Variants in CSMD1 observed in about 807,000 individuals in gnomAD.
The protein encoded by CSMD1 is CUB and Sushi multiple domains 1.
A neutral mutation model predicts 417.5 loss-of-function variants in CSMD1; 213 were observed. That is an observed-to-expected ratio of 0.51 (90% CI 0.46 to 0.57). The LOEUF (loss-of-function observed/expected upper bound fraction) is 0.57. Ranked by LOEUF, CSMD1 falls within the 20% of genes least tolerant of loss-of-function variation. The pLI is 0.00. For synonymous variants in CSMD1, 2,862 were observed against 1,736.8 expected, an observed-to-expected ratio of 1.65 and a Z score of -16.11; for missense variants, 6,923 against 4,529.7, an observed-to-expected ratio of 1.53 and a Z score of -15.17.
chr8:4,332,914 T>G (rs1391098716), intron 3 of CSMD1, among the ~76,000 whole-genome samples: 2 of 150,566 alleles, frequency 1.3e-5, no homozygotes, highest in Non-Finnish European at 2.9e-5. Flanking sequence ...AAAGGGTACT[T>G]TACTATCACA....
At chr8:3,756,593 G>T (rs777523321) in intron 5 of CSMD1, among the ~76,000 whole-genome samples, 1 of 152,024 alleles carries the variant, frequency 6.6e-6, no homozygotes, top group Non-Finnish European at 1.5e-5. Context: ...ATACTGCACT[G>T]ATATTTATTC....
chr8:3,533,259 G>T (rs1186118594), intron 10 of CSMD1, among the ~76,000 whole-genome samples: 1 of 152,110 alleles, frequency 6.6e-6, no homozygotes, highest in Non-Finnish European at 1.5e-5. Flanking sequence ...TAGATTACAT[G>T]ACATCTACCT....
At chr8:4,424,250 T>C (rs1173479796) in intron 2 of CSMD1, among the ~76,000 whole-genome samples, 1 of 151,982 alleles carries the variant, frequency 6.6e-6, no homozygotes, top group East Asian at 1.9e-4. Context: ...AGAATAAAAG[T>C]GTATGCTGCA....
chr8:4,581,348 A>C (rs1799409485), intron 2 of CSMD1, among the ~76,000 whole-genome samples: 1 of 152,188 alleles, frequency 6.6e-6, no homozygotes, highest in African/African-American at 2.4e-5. Flanking sequence ...CTTTAATTAA[A>C]TCTTACTACC....
intron 5 of CSMD1, among the ~76,000 whole-genome samples, chr8:3,759,020 C>T (rs1797837718): frequency 6.6e-6 from 1 of 152,196 alleles, no homozygotes; most frequent in African/African-American, 2.4e-5. Context: ...GAAACGCAAA[C>T]AAACGCCTTT....
intron 28 of CSMD1, among the ~76,000 whole-genome samples, chr8:3,221,559 A>AACAC (rs1798217362): frequency 6.8e-6 from 1 of 147,518 alleles, no homozygotes; most frequent in South Asian, 2.2e-4. Flanking sequence ...CAAACAAACA[A>AACAC]ACACTATATA....
intron 10 of CSMD1, among the ~76,000 whole-genome samples, chr8:3,545,231 T>A (rs11991677): frequency 0.047 from 7,173 of 152,236 alleles, 487 homozygotes; most frequent in African/African-American, 0.15. Flanking sequence ...TATATGTGTA[T>A]ATATGTATGT....
At chr8:3,303,753 A>T (rs921951681) in intron 25 of CSMD1, among the ~76,000 whole-genome samples, 3 of 152,342 alleles carry the variant, frequency 2.0e-5, no homozygotes, top group Non-Finnish European at 4.4e-5. Context: ...TGTGCCCAGC[A>T]ATGAAATATG....
intron 10 of CSMD1, among the ~76,000 whole-genome samples, chr8:3,568,768 C>T (rs1799824550): frequency 6.6e-6 from 1 of 151,600 alleles, no homozygotes; most frequent in Non-Finnish European, 1.5e-5. Context: ...TACATTTATA[C>T]CTAAAAGATG....
chr8:3,769,467 C>T (rs906956284), intron 5 of CSMD1, among the ~76,000 whole-genome samples: 36 of 111,738 alleles, frequency 3.2e-4, no homozygotes, highest in Non-Finnish European at 6.7e-4. Flanking sequence ...CATTGTTTTT[C>T]TTCCACAGTT....
At chr8:4,150,784 G>C (rs966083728) in intron 3 of CSMD1, among the ~76,000 whole-genome samples, 10 of 152,188 alleles carry the variant, frequency 6.6e-5, no homozygotes, top group Non-Finnish European at 1.5e-4. Flanking sequence ...TCATTTAAAT[G>C]TGTAGTTTGC....
chr8:3,635,393 G>A (rs1414869673), intron 7 of CSMD1, among the ~76,000 whole-genome samples: 2 of 151,846 alleles, frequency 1.3e-5, no homozygotes, highest in African/African-American at 4.8e-5. Context: ...AGAATCACTT[G>A]AACCCGGTTG....
intron 2 of CSMD1, among the ~76,000 whole-genome samples, chr8:4,620,555 A>G (rs544663591): frequency 1.3e-5 from 2 of 151,820 alleles, no homozygotes; most frequent in East Asian, 1.9e-4. Context: ...AAAATTGCAC[A>G]GAGTATATTT....
chr8:4,523,122 A>T (rs1284121162), intron 2 of CSMD1, among the ~76,000 whole-genome samples: 1 of 152,164 alleles, frequency 6.6e-6, no homozygotes, highest in Non-Finnish European at 1.5e-5. Context: ...AATAATTCTC[A>T]TTATACATCC....
rs373797840 is a variant in CSMD1, at chr8:3,218,297, C to G, written c.4672+958G>C. Among the ~76,000 whole-genome samples, 11 of 152,084 alleles carry G rather than the reference C, an allele frequency of 7.2e-5. No homozygotes were observed. The South Asian group carries it at 2.3e-3, about 32-fold the overall frequency. On this transcript the variant is annotated intron_variant, in intron 29 of 69. Coordinates refer to ENST00000635120, the MANE Select transcript of CSMD1 (RefSeq NM_033225.6). ...AAGTTATTGGCCGGGCGCGGTGGCTCACGCCTGTAATCGCAGCACTTTGGG... is the reference window on the plus strand; with the variant it reads ...AAGTTATTGGCCGGGCGCGGTGGCTGACGCCTGTAATCGCAGCACTTTGGG...
At chr8:3,485,329 T>C (rs1188054444) in intron 11 of CSMD1, among the ~76,000 whole-genome samples, 1 of 152,112 alleles carries the variant, frequency 6.6e-6, no homozygotes, top group Non-Finnish European at 1.5e-5. Context: ...TATAACATTC[T>C]TGCAATGACA....
At chr8:4,179,425 A>T (rs1167847125) in intron 3 of CSMD1, among the ~76,000 whole-genome samples, 1 of 152,110 alleles carries the variant, frequency 6.6e-6, no homozygotes, top group East Asian at 1.9e-4. Context: ...ACAAAAATCA[A>T]TTCAAGATGG....
At chr8:2,951,418 C>T (rs991205713) in intron 65 of CSMD1, 143 bp from the exon 66 acceptor site, 28 of 812,958 alleles carry the variant, frequency 3.4e-5, no homozygotes, top group Admixed American at 1.3e-4. Flanking sequence ...CCTAGTGCAT[C>T]GCTGTTCACA....
At chr8:4,762,907 C>A (rs1032186303) in intron 1 of CSMD1, among the ~76,000 whole-genome samples, 1 of 152,160 alleles carries the variant, frequency 6.6e-6, no homozygotes. Context: ...GCCATAGCAG[C>A]ATTGTAGGTA....
Sources: gnomAD v4.1 joint callset for allele counts (sites outside exome capture counted in the v4.1 genomes callset) on GRCh38, gnomAD v4.1.1 for gene constraint, MANE v1.5 for transcripts, NCBI Gene and HGNC (gene_info 2026-07-23, HGNC 2026-07-21) for gene names.